The following DLST variants were observed in gnomAD, a reference collection of about 807,000 sequenced individuals.
DLST encodes the protein dihydrolipoyllysine-residue succinyltransferase component of 2-oxoglutarate dehydrogenase complex, mitochondrial.
In DLST, 17 loss-of-function variants were observed where a neutral mutation model predicts 53.1. That is an observed-to-expected ratio of 0.32 (90% confidence interval 0.22 to 0.48). The LOEUF (loss-of-function observed/expected upper bound fraction) is 0.48. DLST is among the 20% of genes least tolerant of loss of function. The pLI, the probability that DLST is intolerant of heterozygous loss-of-function variation, is 0.99. For synonymous variants in DLST, 206 were observed against 204.8 expected (o/e 1.01, Z -0.05); for missense variants, 512 against 583.9 (o/e 0.88, Z 1.27).
rs1884006812 is a variant in DLST at position 74,894,294 on chromosome 14, T to C, written c.673-18T>C. 1 of 1,613,580 alleles carries C rather than the reference T, an allele frequency of 6.2e-7. No individual in the cohort carries two copies. The highest frequency in any genetic ancestry group is 1.3e-5 in the African/African-American group (1 of 74,910). The stretch of plus-strand genomic sequence containing the variant: ...AGAGAGATCAGATTGTCAATGCTTG[T>C]TCCACTCTTACTTTCAGGAGAAAAT... On this transcript the variant is annotated intron_variant, in intron 9 of 14. Coordinates refer to ENST00000334220, the MANE Select transcript of DLST (RefSeq NM_001933.5).
At chr14:74,887,209 A>G (rs1247731840) in intron 3 of DLST, among the ~76,000 whole-genome samples, 2 of 143,250 alleles carry the variant, frequency 1.4e-5, no homozygotes, top group East Asian at 3.9e-4. Flanking sequence ...TGTTCACACT[A>G]TGAAAAGTGG....
At chr14:74,895,121 G>C (rs1461014390) in intron 10 of DLST, among the ~76,000 whole-genome samples, 4 of 152,228 alleles carry the variant, frequency 2.6e-5, no homozygotes, top group East Asian at 1.9e-4. Context: ...CAGCTACTTG[G>C]GGGGCTGAGA....
At position 74,889,927 on chromosome 14, in the gene DLST, T is replaced by G; in HGVS notation, c.305T>G (p.Val102Gly). The G allele has an allele frequency of 6.2e-7, 1 of 1,613,998 alleles. No individual in the cohort carries two copies. The highest frequency in any genetic ancestry group is 8.5e-7 in the Non-Finnish European group (1 of 1,179,958). ...AVGDTVAEDE[V>G]VCEIETDKTS... ...GGAGACACAGTTGCAGAAGATGAAG[T>G]GGTTTGTGAGATTGAAACTGACAAG... The change falls in exon 6 of 15, where the codon GTG becomes GGG. Residue 102 changes from valine (V) to glycine (G), a missense_variant. Coordinates refer to ENST00000334220, the MANE Select transcript of DLST (RefSeq NM_001933.5).
In DLST at chr14:74,902,802, C is replaced by T. The variant is rs572925862; in HGVS notation, c.*472C>T. The T allele has an allele frequency of 6.5e-6, 1 of 153,162 alleles. No homozygotes were observed. Among genetic ancestry groups the T allele is most frequent in the South Asian group, 2.1e-4 (1 of 4,824 alleles). 9.5% of individuals were successfully genotyped at this position (153,162 alleles called of 1,614,324 possible). On this transcript the variant is annotated 3_prime_UTR_variant, in exon 15 of 15. Transcript: ENST00000334220. Reference sequence around the variant, plus strand: ...CTGTGCACATTCTCCCTTGATTCCACTTGTGTGGAGGGATTGAACACAGGC... The same window carrying T: ...CTGTGCACATTCTCCCTTGATTCCATTTGTGTGGAGGGATTGAACACAGGC...
chr14:74,889,387 T>TTTTTTTTTA (rs1883821954), intron 5 of DLST, 38 bp downstream of exon 5: 1 of 1,430,094 alleles, frequency 7.0e-7, no homozygotes, highest in African/African-American at 1.5e-5. Context: ...TTTTTTTTTT[T>TTTTTTTTTA]GAGACAGAGT....
intron 7 of DLST, chr14:74,892,135 T>G (rs1202042777): frequency 6.6e-6 from 1 of 152,648 alleles, no homozygotes; most frequent in African/African-American, 2.4e-5. Flanking sequence ...CAGGCTGGAG[T>G]GCAGTGGCCT....
At position 74,882,027 on chromosome 14, in the gene DLST, G is replaced by C; in HGVS notation, c.63+11G>C. ...TCCGCCTTCCAGAAGGTACGGTCTG[G>C]CCGAGCCGGGGCCCCGACGGGTGAG... On this transcript the variant is annotated intron_variant, in intron 1 of 14. Transcript: ENST00000334220. 2 of 1,548,350 alleles carry C rather than the reference G, an allele frequency of 1.3e-6. No individual in the cohort carries two copies. The highest frequency in any genetic ancestry group is 8.6e-7 in the Non-Finnish European group (1 of 1,156,318).
intron 3 of DLST, chr14:74,885,907 G>A (rs914927101): frequency 1.7e-5 from 6 of 359,022 alleles, no homozygotes. Context: ...CTTTTTATGG[G>A]ATATAGAAGG....
intron 11 of DLST, among the ~76,000 whole-genome samples, chr14:74,899,669 G>C (rs1348128364): frequency 6.6e-6 from 1 of 152,162 alleles, no homozygotes; most frequent in Non-Finnish European, 1.5e-5. Flanking sequence ...CCAGTGTGTT[G>C]AGCCCTTCTT....
chr14:74,897,028 T>C (rs1335625607), intron 10 of DLST, among the ~76,000 whole-genome samples: 1 of 152,210 alleles, frequency 6.6e-6, no homozygotes, highest in Admixed American at 6.5e-5. Context: ...AGCCTTTGCC[T>C]CCAAGGGCAG....
intron 7 of DLST, chr14:74,891,574 G>A (rs1440678418): frequency 1.5e-5 from 15 of 991,774 alleles, no homozygotes; most frequent in African/African-American, 1.7e-5. Context: ...GTCTTTTATG[G>A]GGAATTCAGT....
rs200057453 is a variant in DLST at position 74,882,543 on chromosome 14, T to G, written c.64-48T>G. ...CGTGTACTTAAAAGAAAAAGCTGGG[T>G]TTTTTTTTCATCTTGGGTGACGTCG... On this transcript the variant is annotated intron_variant, in intron 1 of 14. Transcript: ENST00000334220. The G allele has an allele frequency of 1.8e-4, 289 of 1,577,554 alleles. 5 individuals carry two copies. The East Asian group carries it at 5.8e-3, about 32-fold the overall frequency.
chr14:74,889,207 TAATTA>T, intron 4 of DLST, 60 bp downstream of exon 4: 1 of 1,607,578 alleles, frequency 6.2e-7, no homozygotes, highest in South Asian at 1.1e-5. Flanking sequence ...TGATTGAGTT[TAATTA>T]AAGAAAAATA....
intron 9 of DLST, 86 bp downstream of exon 9, chr14:74,893,510 G>C: frequency 7.0e-7 from 1 of 1,435,342 alleles, no homozygotes; most frequent in African/African-American, 1.4e-5. Context: ...GCCTACCTTT[G>C]AATGCCTGGC....
At chr14:74,899,148 G>C (rs1036583386) in intron 11 of DLST, among the ~76,000 whole-genome samples, 3 of 152,076 alleles carry the variant, frequency 2.0e-5, no homozygotes, top group African/African-American at 7.2e-5. Context: ...TGGTGCTCTA[G>C]GGAGGTAGAA....
intron 9 of DLST, among the ~76,000 whole-genome samples, chr14:74,893,626 T>C (rs1177588850): frequency 5.3e-5 from 8 of 152,184 alleles, no homozygotes; most frequent in Admixed American, 5.2e-4. Context: ...TGAACACTTG[T>C]TCAGTGGTTT....
chr14:74,891,220 G>A, intron 7 of DLST, 53 bp downstream of exon 7: 1 of 1,612,196 alleles, frequency 6.2e-7, no homozygotes, highest in Non-Finnish European at 8.5e-7. Context: ...CTTGGGATTG[G>A]GACTGAGCAT....
intron 12 of DLST, 39 bp from the exon 13 acceptor site, chr14:74,900,249 TA>T: frequency 6.3e-7 from 1 of 1,581,176 alleles, no homozygotes; most frequent in African/African-American, 1.3e-5. Flanking sequence ...TAAAAGGTAC[TA>T]TTAATTTGCA....
chr14:74,898,165 G>A (rs576362048), intron 10 of DLST, among the ~76,000 whole-genome samples: 48 of 152,260 alleles, frequency 3.2e-4, no homozygotes, highest in African/African-American at 1.1e-3. Context: ...CTTAAAGACA[G>A]ATTGGGCCTG....
Sources: gnomAD v4.1 joint callset for allele counts (sites outside exome capture counted in the v4.1 genomes callset) on GRCh38, gnomAD v4.1.1 for gene constraint, MANE v1.5 for transcripts, NCBI Gene and HGNC (gene_info 2026-07-23, HGNC 2026-07-21) for gene names.